KCTD1: variants seen among roughly 807,000 people sequenced by gnomAD.
KCTD1 encodes BTB/POZ domain-containing protein KCTD1.
A neutral mutation model predicts 66.0 loss-of-function variants in KCTD1; 24 were observed. The observed-to-expected ratio is 0.36, with a 90% CI of 0.26 to 0.51. KCTD1 has a LOEUF of 0.51. KCTD1 is among the 20% of genes least tolerant of loss of function. The pLI, the probability that KCTD1 is intolerant of heterozygous loss-of-function variation, is 0.95. For missense variants in KCTD1, 943 were observed against 1,205.2 expected, an observed-to-expected ratio of 0.78 and a Z score of 3.22; for synonymous variants, 511 against 517.2, an observed-to-expected ratio of 0.99 and a Z score of 0.16.
chr18:26,460,576 G>T (rs764630375), intron 3 of KCTD1, among the ~76,000 whole-genome samples: 3 of 152,184 alleles, frequency 2.0e-5, no homozygotes, highest in Non-Finnish European at 4.4e-5. Flanking sequence ...CAGCTGGAAG[G>T]CTAGTGTACT....
At chr18:26,488,940 T>C (rs572428888) in intron 2 of KCTD1, among the ~76,000 whole-genome samples, 4 of 152,284 alleles carry the variant, frequency 2.6e-5, no homozygotes, top group Admixed American at 1.3e-4. Context: ...TTAAAAAACA[T>C]TTTCATTTGC....
chr18:26,466,621 TG>T (rs1303855191), intron 3 of KCTD1, among the ~76,000 whole-genome samples: 1 of 152,202 alleles, frequency 6.6e-6, no homozygotes, highest in East Asian at 1.9e-4. Flanking sequence ...TGGCCCCAAA[TG>T]TTACTTTGAG....
intron 3 of KCTD1, among the ~76,000 whole-genome samples, chr18:26,469,483 T>C (rs1453710798): frequency 6.6e-6 from 1 of 152,226 alleles, no homozygotes; most frequent in Non-Finnish European, 1.5e-5. Flanking sequence ...CCAAAGTGCG[T>C]GCCTAAAATA....
At chr18:26,586,914 C>T (rs1168608611) in intron 1 of KCTD1, among the ~76,000 whole-genome samples, 1 of 152,164 alleles carries the variant, frequency 6.6e-6, no homozygotes, top group Non-Finnish European at 1.5e-5. Flanking sequence ...GAAACCATCT[C>T]CGTAACATGA....
chr18:26,616,042 C>T (rs571830836), intron 1 of KCTD1, among the ~76,000 whole-genome samples: 17 of 152,250 alleles, frequency 1.1e-4, no homozygotes, highest in African/African-American at 4.1e-4. Flanking sequence ...CCGCCTGCCT[C>T]ACCCTCCCAA....
chr18:26,634,039 G>T (rs1004548098), upstream of KCTD1, among the ~76,000 whole-genome samples: 1 of 152,136 alleles, frequency 6.6e-6, no homozygotes, highest in Non-Finnish European at 1.5e-5. Flanking sequence ...TCAAAAACAT[G>T]CTGACAAAAT....
At chr18:26,615,247 C>A (rs1180891293) in intron 1 of KCTD1, among the ~76,000 whole-genome samples, 1 of 152,236 alleles carries the variant, frequency 6.6e-6, no homozygotes, top group Non-Finnish European at 1.5e-5. Flanking sequence ...GGTTCTGTGG[C>A]TCCCAGCTGC....
intron 1 of KCTD1, among the ~76,000 whole-genome samples, chr18:26,624,644 T>A (rs1057355115): frequency 6.6e-6 from 1 of 152,248 alleles, no homozygotes; most frequent in Admixed American, 6.5e-5. Context: ...AGAAGTTTGC[T>A]GCAGTGGCGG....
chr18:26,597,719 TCTCA>T (rs1242924896), intron 1 of KCTD1, among the ~76,000 whole-genome samples: 1 of 149,000 alleles, frequency 6.7e-6, no homozygotes, highest in East Asian at 2.0e-4. Context: ...AATGGCACGC[TCTCA>T]GCTCACTGCA....
intron 1 of KCTD1, chr18:26,599,531 T>C (rs1472154083): frequency 6.4e-7 from 1 of 1,555,236 alleles, no homozygotes; most frequent in East Asian, 2.2e-5. Context: ...GGGCCGTGGG[T>C]CTGTGGAAAA....
At chr18:26,525,051 AC>A (rs1188051836) in intron 1 of KCTD1, among the ~76,000 whole-genome samples, 1 of 152,148 alleles carries the variant, frequency 6.6e-6, no homozygotes, top group Admixed American at 6.5e-5. Flanking sequence ...CTCATAGAAA[AC>A]CCAGCCAATA....
rs772698681 is a variant in KCTD1 at position 26,548,315 on chromosome 18, G to A, written c.222C>T (p.Asp74=). ...CACCTCCGTCCTCCTCCTCCTCCTC[G>A]TCCCCCGTTATCTGCACCTCCTGGA... ...DEIQEVQITG[D]EEEEEDGGGG... is the part of the protein sequence containing the mutation. Residue 74 remains aspartate, a synonymous_variant, in exon 1 of 5, where the codon GAC becomes GAT. Transcript: ENST00000580059. 3.9e-5 allele frequency: 57 copies of A among 1,472,880 alleles called. No homozygotes were observed. Among genetic ancestry groups the A allele is most frequent in the Non-Finnish European group, 4.7e-5 (52 of 1,112,360 alleles). The allele number at this position is 1,472,880 out of a possible 1,614,324, so 91.2% of individuals were successfully genotyped here. A position where few individuals can be genotyped will look rare whatever the true frequency, so the allele number is the denominator to read the frequency against.
chr18:26,526,809 C>T (rs184491343), intron 1 of KCTD1, among the ~76,000 whole-genome samples: 164 of 150,304 alleles, frequency 1.1e-3, no homozygotes, highest in African/African-American at 3.9e-3. Flanking sequence ...CAGCTTATCT[C>T]TGAGGGAGCC....
chr18:26,596,034 G>A (rs1293161977), intron 1 of KCTD1, among the ~76,000 whole-genome samples: 1 of 152,178 alleles, frequency 6.6e-6, no homozygotes, highest in Non-Finnish European at 1.5e-5. Flanking sequence ...GCAACAGTGT[G>A]AGACTTTGTC....
intron 2 of KCTD1, among the ~76,000 whole-genome samples, chr18:26,490,606 G>A (rs1982144580): frequency 6.6e-6 from 1 of 152,196 alleles, no homozygotes; most frequent in Non-Finnish European, 1.5e-5. Context: ...CTGCCCTGGG[G>A]TGGCTGAGTT....
upstream of KCTD1, among the ~76,000 whole-genome samples, chr18:26,629,587 C>T (rs1403499679): frequency 1.3e-5 from 2 of 152,044 alleles, no homozygotes; most frequent in South Asian, 2.1e-4. Flanking sequence ...ATGGACCCTG[C>T]GAAAGGGACA....
chr18:26,520,595 T>C (rs972175193), intron 1 of KCTD1, among the ~76,000 whole-genome samples: 2 of 151,922 alleles, frequency 1.3e-5, no homozygotes, highest in African/African-American at 4.8e-5. Context: ...ATGTGAAAGA[T>C]AAGGGATGAG....
chr18:26,526,339 C>T (rs1449903050), intron 1 of KCTD1, among the ~76,000 whole-genome samples: 2 of 152,156 alleles, frequency 1.3e-5, no homozygotes, highest in African/African-American at 2.4e-5. Flanking sequence ...AAGAAATCTG[C>T]GGGATTCCTT....
At chr18:26,595,451 C>A (rs770928562) in intron 1 of KCTD1, among the ~76,000 whole-genome samples, 2 of 152,132 alleles carry the variant, frequency 1.3e-5, no homozygotes, top group South Asian at 2.1e-4. Context: ...GGCTTTGGCA[C>A]GTGACTATAT....
Sources: gnomAD v4.1 joint callset for allele counts (sites outside exome capture counted in the v4.1 genomes callset) on GRCh38, gnomAD v4.1.1 for gene constraint, MANE v1.5 for transcripts, NCBI Gene and HGNC (gene_info 2026-07-23, HGNC 2026-07-21) for gene names.